The following USH2A variants were observed in gnomAD, a reference collection of about 807,000 sequenced individuals.
The protein encoded by USH2A is Usher syndrome 2A (autosomal recessive, mild).
Under a neutral mutation model 538.9 loss-of-function variants are expected in USH2A, and 443 were observed. The ratio of observed to expected loss-of-function variants is 0.82; its 90% confidence interval spans 0.76 to 0.89. The LOEUF (loss-of-function observed/expected upper bound fraction) is 0.89. USH2A is among the 40% of genes least tolerant of loss of function. The probability of loss-of-function intolerance (pLI) is 0.00; values close to 1 mark genes in which losing one functional copy is unlikely to be tolerated. For missense variants in USH2A, 6,633 were observed against 6,324.8 expected (o/e 1.05, Z -1.65); for synonymous variants, 2,413 against 2,273.5 (o/e 1.06, Z -1.75).
chr1:215,823,899 C>A (rs1294848785), intron 47 of USH2A, among the ~76,000 whole-genome samples: 1 of 151,900 alleles, frequency 6.6e-6, no homozygotes, highest in African/African-American at 2.4e-5. Context: ...CCATTTTAAT[C>A]TCTTTGTTAA....
intron 4 of USH2A, among the ~76,000 whole-genome samples, chr1:216,333,843 A>G (rs183618407): frequency 6.6e-6 from 1 of 152,192 alleles, no homozygotes; most frequent in East Asian, 1.9e-4. Flanking sequence ...TGTACACCAA[A>G]AACTATTTTT....
chr1:216,156,329 C>T (rs1447566364), intron 21 of USH2A, among the ~76,000 whole-genome samples: 11 of 121,122 alleles, frequency 9.1e-5, no homozygotes, highest in Non-Finnish European at 1.4e-4. Flanking sequence ...GCTAACTCAA[C>T]TTGCCTCATC....
chr1:216,020,418 A>C (rs76275480), intron 32 of USH2A, among the ~76,000 whole-genome samples: 4,438 of 152,262 alleles, frequency 0.029, 206 homozygotes, highest in African/African-American at 0.1. Flanking sequence ...CCCAAAGATG[A>C]AAGAATTCTG....
intron 9 of USH2A, among the ~76,000 whole-genome samples, chr1:216,312,071 A>C (rs1468463360): frequency 2.0e-5 from 3 of 152,028 alleles, no homozygotes; most frequent in Admixed American, 1.3e-4. Flanking sequence ...TCTTCCTTTA[A>C]CATTCTTGCA....
intron 3 of USH2A, among the ~76,000 whole-genome samples, chr1:216,368,969 A>C (rs995197962): frequency 6.6e-6 from 1 of 152,194 alleles, no homozygotes. Context: ...AAGCGATTTG[A>C]CAACGTATCT....
At chr1:215,652,040 G>A (rs372527881) in intron 64 of USH2A, among the ~76,000 whole-genome samples, 12 of 152,280 alleles carry the variant, frequency 7.9e-5, no homozygotes, top group Admixed American at 3.3e-4. Context: ...TTTAGAGCTC[G>A]GATACATCCT....
chr1:215,678,520 G>C (rs531602159), intron 62 of USH2A, among the ~76,000 whole-genome samples: 1 of 152,328 alleles, frequency 6.6e-6, no homozygotes, highest in African/African-American at 2.4e-5. Flanking sequence ...TCAGGACTCA[G>C]CTCAAATGTC....
At chr1:216,243,482 T>TTTTAAATA (rs1358565836) in intron 13 of USH2A, among the ~76,000 whole-genome samples, 7 of 152,180 alleles carry the variant, frequency 4.6e-5, no homozygotes, top group African/African-American at 1.2e-4. Flanking sequence ...TTTAAATATA[T>TTTTAAATA]ACCTTGATAT....
At chr1:216,205,685 T>C (rs1337682023) in intron 16 of USH2A, among the ~76,000 whole-genome samples, 2 of 152,178 alleles carry the variant, frequency 1.3e-5, no homozygotes, top group South Asian at 2.1e-4. Flanking sequence ...TAATTAAGCA[T>C]GGTTAAAGTA....
chr1:216,258,451 G>A (rs148143811), intron 11 of USH2A, among the ~76,000 whole-genome samples: 42 of 152,160 alleles, frequency 2.8e-4, no homozygotes, highest in South Asian at 4.1e-4. Context: ...GCAGTGAACC[G>A]TAGTAAAGTG....
At chr1:216,183,193 C>T (rs762885330) in intron 20 of USH2A, among the ~76,000 whole-genome samples, 3 of 151,956 alleles carry the variant, frequency 2.0e-5, no homozygotes, top group African/African-American at 4.8e-5. Context: ...GTTTGTTTTG[C>T]CCCAGCCTGA....
At chr1:215,631,208 T>G (rs1488483012) in intron 70 of USH2A, among the ~76,000 whole-genome samples, 1 of 149,588 alleles carries the variant, frequency 6.7e-6, no homozygotes, top group African/African-American at 2.5e-5. Context: ...AAACCAGAGC[T>G]TGTCACATGA....
chr1:216,418,393 T>C lies in USH2A; in HGVS notation c.651+121A>G, dbSNP rs571780674. 269 of 1,138,412 alleles carry C rather than the reference T, an allele frequency of 2.4e-4. 1 individual carries two copies. The African/African-American group carries it at 4.0e-3, about 17-fold the overall frequency. The allele number at this position is 1,138,412 out of a possible 1,614,324, so 70.5% of individuals were successfully genotyped here. On this transcript the variant is annotated intron_variant, in intron 3 of 71. Transcript: ENST00000307340. ...ATTTTTCTTCTTTAGTTGTCATTTA[T>C]ACACACCTGAAATCTAAAAGATACT...
At chr1:215,962,575 G>A (rs2102451607) in intron 37 of USH2A, among the ~76,000 whole-genome samples, 1 of 151,976 alleles carries the variant, frequency 6.6e-6, no homozygotes. Context: ...GTACCACTTG[G>A]TATCATTAGT....
At chr1:216,083,197 T>C (rs760746741) in intron 26 of USH2A, among the ~76,000 whole-genome samples, 3 of 152,050 alleles carry the variant, frequency 2.0e-5, no homozygotes, top group Non-Finnish European at 4.4e-5. Flanking sequence ...AGATACTAAA[T>C]TGAATTTTCT....
intron 13 of USH2A, among the ~76,000 whole-genome samples, chr1:216,238,486 C>T (rs1157427286): frequency 6.6e-6 from 1 of 152,110 alleles, no homozygotes; most frequent in Admixed American, 6.6e-5. Flanking sequence ...CATATATGTA[C>T]ACACACTCCA....
chr1:216,048,394 G>A (rs559475575), intron 31 of USH2A, 140 bp downstream of exon 31: 8 of 824,860 alleles, frequency 9.7e-6, no homozygotes, highest in Non-Finnish European at 1.6e-5. Context: ...AAAAAATGGA[G>A]CAATTATGGC....
Position 216,323,590 on chromosome 1 carries a change from C to A in USH2A, c.1434G>T (p.Glu478Asp). The A allele has an allele frequency of 6.2e-7, 1 of 1,613,514 alleles. No homozygotes were observed. The highest frequency in any genetic ancestry group is 8.5e-7 in the Non-Finnish European group (1 of 1,179,750). The change falls in exon 8 of 72, where the codon GAG becomes GAT. Residue 478 changes from glutamate (E) to aspartate (D), a missense_variant. Glu to Asp is a conservative substitution (Grantham distance 45). Coordinates refer to ENST00000307340, the MANE Select transcript of USH2A (RefSeq NM_206933.4). ...NNFYNTPSLQ[E>D]FVKATQIRFH... is the part of the protein sequence containing the mutation. ...ACCTTATTTGCGTGGCTTTTACGAACTCTTGAAGAGATGGGGTATTATAGA... is the reference window on the plus strand; with the variant it reads ...ACCTTATTTGCGTGGCTTTTACGAAATCTTGAAGAGATGGGGTATTATAGA...
chr1:215,713,795 CT>C (rs1310761251), intron 61 of USH2A, among the ~76,000 whole-genome samples: 2 of 152,204 alleles, frequency 1.3e-5, no homozygotes, highest in African/African-American at 4.8e-5. Flanking sequence ...TAATTTGTGG[CT>C]TTCATTGATG....
Sources: gnomAD v4.1 joint callset for allele counts (sites outside exome capture counted in the v4.1 genomes callset) on GRCh38, gnomAD v4.1.1 for gene constraint, MANE v1.5 for transcripts, NCBI Gene and HGNC (gene_info 2026-07-23, HGNC 2026-07-21) for gene names.